The following SLC24A3 variants were observed in gnomAD, a reference collection of about 807,000 sequenced individuals.
The protein encoded by SLC24A3 is solute carrier family 24 member 3, also known as sodium/potassium/calcium exchanger 3.
A neutral mutation model predicts 75.8 loss-of-function variants in SLC24A3; 28 were observed. The ratio of observed to expected loss-of-function variants is 0.37; its 90% CI spans 0.27 to 0.51. SLC24A3 has a LOEUF of 0.51. Ranked by LOEUF, SLC24A3 falls within the 20% of genes least tolerant of loss-of-function variation. SLC24A3 has a pLI of 0.94. For synonymous variants in SLC24A3, 372 were observed against 334.1 expected (o/e 1.11, Z -1.24); for missense variants, 663 against 847.8 (o/e 0.78, Z 2.71).
At chr20:19,265,090 T>G (rs1052080858) in intron 1 of SLC24A3, among the ~76,000 whole-genome samples, 1 of 152,228 alleles carries the variant, frequency 6.6e-6, no homozygotes, top group African/African-American at 2.4e-5. Context: ...TTGCAAACAC[T>G]ATATTGCAAC....
At chr20:19,638,363 G>C (rs1203537499) in intron 6 of SLC24A3, among the ~76,000 whole-genome samples, 1 of 152,198 alleles carries the variant, frequency 6.6e-6, no homozygotes, top group African/African-American at 2.4e-5. Flanking sequence ...TGGGACATAG[G>C]AGGGATGAGA....
intron 2 of SLC24A3, among the ~76,000 whole-genome samples, chr20:19,452,185 A>C (rs1987494376): frequency 6.6e-6 from 1 of 152,232 alleles, no homozygotes; most frequent in African/African-American, 2.4e-5. Flanking sequence ...TTGAGAAGCC[A>C]AGAGGAAGAC....
intron 2 of SLC24A3, among the ~76,000 whole-genome samples, chr20:19,460,038 T>C (rs1206437459): frequency 6.6e-6 from 1 of 152,042 alleles, no homozygotes; most frequent in Non-Finnish European, 1.5e-5. Context: ...GAAAGCAAGA[T>C]AGAAAAGAAG....
intron 7 of SLC24A3, among the ~76,000 whole-genome samples, chr20:19,654,929 G>C (rs1486737493): frequency 6.6e-6 from 1 of 152,158 alleles, no homozygotes; most frequent in East Asian, 1.9e-4. Flanking sequence ...TTACAGGCAT[G>C]AGCCACAGCA....
intron 1 of SLC24A3, among the ~76,000 whole-genome samples, chr20:19,242,818 A>G (rs1055855400): frequency 6.6e-5 from 10 of 152,246 alleles, no homozygotes; most frequent in African/African-American, 2.4e-4. Flanking sequence ...TGAACCTACT[A>G]GACAAAATTT....
At chr20:19,529,950 C>A (rs1351345254) in intron 3 of SLC24A3, among the ~76,000 whole-genome samples, 1 of 152,192 alleles carries the variant, frequency 6.6e-6, no homozygotes, top group Non-Finnish European at 1.5e-5. Flanking sequence ...TGTCTCCCTT[C>A]CTATAGTAAA....
chr20:19,693,514 A>T, intron 13 of SLC24A3, 89 bp downstream of exon 13: 1 of 1,493,044 alleles, frequency 6.7e-7, no homozygotes, highest in Non-Finnish European at 9.0e-7. Flanking sequence ...CGATAACTGT[A>T]CTAGTCAGCT....
chr20:19,372,796 G>A, intron 2 of SLC24A3, among the ~76,000 whole-genome samples: 1 of 152,122 alleles, frequency 6.6e-6, no homozygotes, highest in Non-Finnish European at 1.5e-5. Flanking sequence ...CCCTCCCCGA[G>A]CTCAGCACCA....
chr20:19,645,130 A>G (rs1298231798), intron 6 of SLC24A3, among the ~76,000 whole-genome samples: 1 of 152,252 alleles, frequency 6.6e-6, no homozygotes, highest in Non-Finnish European at 1.5e-5. Flanking sequence ...GCTCTTGTTA[A>G]TAAGGAAACA....
chr20:19,621,509 G>A (rs994839999), intron 6 of SLC24A3, among the ~76,000 whole-genome samples: 6 of 152,154 alleles, frequency 3.9e-5, no homozygotes. Context: ...ATCCCCTCGG[G>A]AATTTCCAAA....
intron 2 of SLC24A3, among the ~76,000 whole-genome samples, chr20:19,331,312 C>A: frequency 6.6e-6 from 1 of 152,178 alleles, no homozygotes; most frequent in African/African-American, 2.4e-5. Context: ...TGCTTGCTAC[C>A]TACTCTAGAA....
At chr20:19,717,095 G>A (rs549360225) in intron 15 of SLC24A3, among the ~76,000 whole-genome samples, 3 of 152,202 alleles carry the variant, frequency 2.0e-5, no homozygotes, top group South Asian at 2.1e-4. Flanking sequence ...GAGATGAAAA[G>A]TTTATTCATA....
intron 1 of SLC24A3, among the ~76,000 whole-genome samples, chr20:19,239,238 G>T (rs1457754316): frequency 6.6e-6 from 1 of 152,128 alleles, no homozygotes; most frequent in Non-Finnish European, 1.5e-5. Context: ...CAGTGTTTGA[G>T]ATGCCTAAGC....
intron 7 of SLC24A3, among the ~76,000 whole-genome samples, chr20:19,662,940 C>G (rs1263884302): frequency 6.6e-6 from 1 of 152,202 alleles, no homozygotes; most frequent in South Asian, 2.1e-4. Context: ...CAAACAGCGC[C>G]AGTCCTAATT....
At chr20:19,433,400 G>T (rs1280147259) in intron 2 of SLC24A3, among the ~76,000 whole-genome samples, 2 of 152,210 alleles carry the variant, frequency 1.3e-5, no homozygotes, top group Non-Finnish European at 2.9e-5. Context: ...AAGATTTGTT[G>T]TTTGAATGAG....
chr20:19,547,710 C>A (rs2122595085), intron 3 of SLC24A3, among the ~76,000 whole-genome samples: 1 of 152,372 alleles, frequency 6.6e-6, no homozygotes, highest in East Asian at 1.9e-4. Context: ...CTCTCCCACC[C>A]TCCCCTTGCC....
chr20:19,267,414 G>T (rs1476286276), intron 1 of SLC24A3, among the ~76,000 whole-genome samples: 2 of 152,136 alleles, frequency 1.3e-5, no homozygotes, highest in African/African-American at 4.8e-5. Context: ...AAAGACTGTT[G>T]TTAACATCTT....
chr20:19,505,749 G>A (rs1268761480), intron 2 of SLC24A3, among the ~76,000 whole-genome samples: 1 of 152,216 alleles, frequency 6.6e-6, no homozygotes, highest in African/African-American at 2.4e-5. Context: ...TCTCTTGAGA[G>A]AAAGAGTGGT....
chr20:19,219,692 A>G (rs1981654648), intron 1 of SLC24A3, among the ~76,000 whole-genome samples: 1 of 152,234 alleles, frequency 6.6e-6, no homozygotes, highest in African/African-American at 2.4e-5. Context: ...CAAGAAAACA[A>G]TTGCAGATGG....
Sources: gnomAD v4.1 joint callset for allele counts (sites outside exome capture counted in the v4.1 genomes callset) on GRCh38, gnomAD v4.1.1 for gene constraint, MANE v1.5 for transcripts, NCBI Gene and HGNC (gene_info 2026-07-23, HGNC 2026-07-21) for gene names.